XYLT1: variants seen among roughly 807,000 people sequenced by gnomAD.
XYLT1 encodes the protein beta-D-xylosyltransferase 1.
A neutral mutation model predicts 91.3 loss-of-function variants in XYLT1; 36 were observed. The ratio of observed to expected loss-of-function variants is 0.39; its 90% CI spans 0.30 to 0.52. The LOEUF is 0.52. Among genes scored for constraint, XYLT1 ranks in the 20% least tolerant of loss-of-function variants. The pLI is 0.68. For missense variants in XYLT1, 1,242 were observed against 1,284.5 expected (o/e 0.97, Z 0.51); for synonymous variants, 588 against 532.0 (o/e 1.11, Z -1.45).
chr16:17,464,489 CAAAA>C (rs34575069), intron 1 of XYLT1, among the ~76,000 whole-genome samples: 186 of 120,034 alleles, frequency 1.5e-3, no homozygotes, highest in East Asian at 4.2e-3. Context: ...AAAACTGTCT[CAAAA>C]AAAAAAAAAA....
intron 5 of XYLT1, among the ~76,000 whole-genome samples, chr16:17,182,689 T>C (rs983687293): frequency 1.5e-5 from 1 of 67,516 alleles, no homozygotes; most frequent in Non-Finnish European, 2.7e-5. Flanking sequence ...TAGGCATATG[T>C]GGGGGGTGGG....
chr16:17,219,575 C>A (rs1430225037), intron 3 of XYLT1, among the ~76,000 whole-genome samples: 2 of 152,154 alleles, frequency 1.3e-5, no homozygotes, highest in Non-Finnish European at 2.9e-5. Flanking sequence ...ACCAGAGAGA[C>A]CCTGATTTCT....
chr16:17,126,806 C>T (rs149204775), intron 10 of XYLT1, among the ~76,000 whole-genome samples: 6 of 152,278 alleles, frequency 3.9e-5, no homozygotes, highest in African/African-American at 7.2e-5. Context: ...TCCTGCACCA[C>T]GACCCAAGTA....
intron 5 of XYLT1, among the ~76,000 whole-genome samples, chr16:17,174,834 G>C (rs569135917): frequency 2.0e-5 from 3 of 152,234 alleles, no homozygotes; most frequent in Non-Finnish European, 2.9e-5. Context: ...GCACTGGTGC[G>C]ATCTCCGCTC....
At position 17,102,755 on chromosome 16, in the gene XYLT1, T is replaced by G. The variant is rs1445154148; in HGVS notation, c.*5940A>C. The stretch of plus-strand genomic sequence containing the variant: ...CATTTGAATTCTTTTTTTAAAACTT[T>G]ATTTACAGATTTTTTTTAAAATCAA... On this transcript the variant is annotated 3_prime_UTR_variant, in exon 12 of 12. Coordinates refer to ENST00000261381, the MANE Select transcript of XYLT1 (RefSeq NM_022166.4). The G allele has an allele frequency of 1.1e-5, 1 of 93,534 alleles. No homozygotes were observed. The highest frequency in any genetic ancestry group is 3.5e-4 in the South Asian group (1 of 2,854). 5.8% of individuals were successfully genotyped at this position (93,534 alleles called of 1,614,324 possible).
chr16:17,397,476 G>A (rs1466163735), intron 1 of XYLT1, among the ~76,000 whole-genome samples: 1 of 152,020 alleles, frequency 6.6e-6, no homozygotes, highest in African/African-American at 2.4e-5. Context: ...GCAACCCTGG[G>A]CCCACCCTTC....
chr16:17,170,583 C>T (rs903061480), intron 5 of XYLT1, among the ~76,000 whole-genome samples: 2 of 152,164 alleles, frequency 1.3e-5, no homozygotes, highest in Admixed American at 1.3e-4. Context: ...CTTGCCTTTG[C>T]AAAAGCTGGC....
chr16:17,160,558 C>T (rs1349408718), intron 5 of XYLT1, among the ~76,000 whole-genome samples: 1 of 152,160 alleles, frequency 6.6e-6, no homozygotes, highest in Non-Finnish European at 1.5e-5. Context: ...TCAAAACCAG[C>T]CATTCTAGCA....
At chr16:17,257,604 TGACCACGAGTCAATAAACAGC>T (rs1186138701) in intron 3 of XYLT1, among the ~76,000 whole-genome samples, 14 of 152,172 alleles carry the variant, frequency 9.2e-5, no homozygotes, top group Non-Finnish European at 4.4e-5. Context: ...TAAACAACAG[TGACCACGAGTCAATAAACAGC>T]GACCACGTGG....
chr16:17,190,101 A>G (rs570330318), intron 5 of XYLT1, among the ~76,000 whole-genome samples: 1 of 152,284 alleles, frequency 6.6e-6, no homozygotes, highest in African/African-American at 2.4e-5. Context: ...ATAGATACAG[A>G]AAGGAGATTA....
At chr16:17,314,727 C>T (rs2034600356) in intron 2 of XYLT1, among the ~76,000 whole-genome samples, 1 of 152,172 alleles carries the variant, frequency 6.6e-6, no homozygotes, top group South Asian at 2.1e-4. Context: ...ACTTGACAAA[C>T]CAAAGCTAAC....
At chr16:17,161,937 T>A (rs1453539996) in intron 5 of XYLT1, among the ~76,000 whole-genome samples, 5 of 152,088 alleles carry the variant, frequency 3.3e-5, no homozygotes, top group Non-Finnish European at 5.9e-5. Flanking sequence ...AAGAAATAAA[T>A]GTTAAAATAA....
At chr16:17,227,275 A>C (rs942064769) in intron 3 of XYLT1, 2 of 152,354 alleles carry the variant, frequency 1.3e-5, no homozygotes, top group Non-Finnish European at 2.9e-5. Flanking sequence ...AGTAAAGTAA[A>C]AGTTTTCCAG....
chr16:17,275,591 C>G (rs1284258976), intron 2 of XYLT1, among the ~76,000 whole-genome samples: 2 of 152,196 alleles, frequency 1.3e-5, no homozygotes, highest in Non-Finnish European at 2.9e-5. Context: ...AGATTCATTT[C>G]TAGGTTGGTG....
chr16:17,307,321 C>T (rs896645078), intron 2 of XYLT1, among the ~76,000 whole-genome samples: 1 of 152,168 alleles, frequency 6.6e-6, no homozygotes, highest in African/African-American at 2.4e-5. Flanking sequence ...GTGATCGGCC[C>T]GCTTCGGCCT....
At chr16:17,171,411 C>T (rs1397742502) in intron 5 of XYLT1, among the ~76,000 whole-genome samples, 1 of 152,184 alleles carries the variant, frequency 6.6e-6, no homozygotes, top group Non-Finnish European at 1.5e-5. Context: ...AAATGCACTG[C>T]AACACAGGCA....
chr16:17,173,997 A>T (rs1463753233), intron 5 of XYLT1, among the ~76,000 whole-genome samples: 1 of 152,104 alleles, frequency 6.6e-6, no homozygotes, highest in Non-Finnish European at 1.5e-5. Flanking sequence ...AGGCTTCCCC[A>T]GGCTGCAATG....
At chr16:17,202,505 C>G (rs1403946286) in intron 3 of XYLT1, among the ~76,000 whole-genome samples, 1 of 152,128 alleles carries the variant, frequency 6.6e-6, no homozygotes, top group Non-Finnish European at 1.5e-5. Flanking sequence ...CTTTCTCTTC[C>G]TCAAACAAGC....
At chr16:17,181,136 G>C (rs1323615727) in intron 5 of XYLT1, among the ~76,000 whole-genome samples, 1 of 152,178 alleles carries the variant, frequency 6.6e-6, no homozygotes, top group Admixed American at 6.5e-5. Context: ...GGAATATGTT[G>C]TTTCACCTCA....
Sources: allele counts gnomAD v4.1 joint callset (sites outside exome capture counted in the v4.1 genomes callset), GRCh38; gene constraint gnomAD v4.1.1; transcripts MANE v1.5; gene names NCBI Gene and HGNC (gene_info 2026-07-23, HGNC 2026-07-21).